PDE10A: variants seen among roughly 807,000 people sequenced by gnomAD.
The protein encoded by PDE10A is cAMP and cAMP-inhibited cGMP 3',5'-cyclic phosphodiesterase 10A.
Under a neutral mutation model 97.7 loss-of-function variants are expected in PDE10A, and 39 were observed. The observed-to-expected ratio is 0.40, with a 90% CI of 0.31 to 0.52. The LOEUF (loss-of-function observed/expected upper bound fraction) is 0.52. Ranked by LOEUF, PDE10A falls within the 20% of genes least tolerant of loss-of-function variation. The pLI is 0.56. For synonymous variants in PDE10A, 371 were observed against 376.8 expected (o/e 0.98, Z 0.18); for missense variants, 731 against 1,047.8 (o/e 0.70, Z 4.17).
intron 1 of PDE10A, among the ~76,000 whole-genome samples, chr6:165,593,699 T>C (rs570324556): frequency 6.6e-6 from 1 of 152,358 alleles, no homozygotes; most frequent in South Asian, 2.1e-4. Flanking sequence ...AAACATTTTA[T>C]TATAACTTGC....
intron 1 of PDE10A, chr6:165,660,028 T>C (rs900137110): frequency 7.9e-5 from 12 of 152,254 alleles, no homozygotes; most frequent in African/African-American, 2.4e-4. Context: ...CACTGCAAGA[T>C]AGAGCGTTCT....
At chr6:165,594,331 A>T (rs138766338) in intron 1 of PDE10A, among the ~76,000 whole-genome samples, 1,615 of 152,112 alleles carry the variant, frequency 0.011, 37 homozygotes, top group African/African-American at 0.037. Flanking sequence ...ATAGTAAGAA[A>T]ATGTTTGAAA....
intron 1 of PDE10A, among the ~76,000 whole-genome samples, chr6:165,908,094 G>A (rs1242698180): frequency 6.6e-6 from 1 of 152,202 alleles, no homozygotes. Flanking sequence ...GCTTGGGAGA[G>A]GAGGAGCAAG....
At chr6:165,482,633 T>C (rs1779673116) in intron 2 of PDE10A, among the ~76,000 whole-genome samples, 1 of 152,178 alleles carries the variant, frequency 6.6e-6, no homozygotes, top group South Asian at 2.1e-4. Context: ...CTGGGGTATA[T>C]TCAACTACAC....
intron 1 of PDE10A, among the ~76,000 whole-genome samples, chr6:165,915,781 A>G (rs1036728089): frequency 6.6e-6 from 1 of 152,240 alleles, no homozygotes; most frequent in African/African-American, 2.4e-5. Flanking sequence ...ATGTATGTGC[A>G]CACCTCAAGG....
At chr6:165,895,233 C>T (rs1781912185) in intron 1 of PDE10A, among the ~76,000 whole-genome samples, 1 of 152,208 alleles carries the variant, frequency 6.6e-6, no homozygotes, top group Non-Finnish European at 1.5e-5. Context: ...AGGTCATACT[C>T]CATCAGGGCG....
chr6:165,854,079 T>G (rs1583192490), intron 1 of PDE10A, among the ~76,000 whole-genome samples: 1 of 151,778 alleles, frequency 6.6e-6, no homozygotes, highest in Non-Finnish European at 1.5e-5. Context: ...ACGCGCGGGG[T>G]CCTAGGGAAG....
Position 165,819,724 on chromosome 6 carries a change from C to T in PDE10A, c.-615+167805G>A, listed in dbSNP as rs1779516729. Among the ~76,000 whole-genome samples the T allele has an allele frequency of 6.6e-6, 1 of 152,188 alleles. No homozygotes were observed. The highest frequency in any genetic ancestry group is 6.5e-5 in the Admixed American group (1 of 15,288). On this transcript the variant is annotated intron_variant, in intron 1 of 19. Transcript: ENST00000366882. The surrounding 1 kb of genome is among the most constrained non-coding windows in gnomAD (Gnocchi z 4.2). ...GCACCACGTACTCCTCACCCGCCCT[C>T]CCGCTGTGAGCACATTCCGGCCAGG...
At chr6:165,859,828 T>C (rs1780848903) in intron 1 of PDE10A, among the ~76,000 whole-genome samples, 1 of 152,124 alleles carries the variant, frequency 6.6e-6, no homozygotes, top group African/African-American at 2.4e-5. Flanking sequence ...AAAGAATATA[T>C]CATATATATA....
intron 1 of PDE10A, among the ~76,000 whole-genome samples, chr6:165,962,479 CA>C (rs1784390196): frequency 6.6e-6 from 1 of 152,246 alleles, no homozygotes; most frequent in South Asian, 2.1e-4. Flanking sequence ...CTGCAGAATT[CA>C]GGTGGGAATG....
chr6:165,798,845 T>C (rs1365697427), intron 1 of PDE10A, among the ~76,000 whole-genome samples: 1 of 152,048 alleles, frequency 6.6e-6, no homozygotes, highest in African/African-American at 2.4e-5. Context: ...GTAGCTGGGA[T>C]TACAAGCACG....
At chr6:165,824,487 A>G (rs1779667879) in intron 1 of PDE10A, among the ~76,000 whole-genome samples, 1 of 152,186 alleles carries the variant, frequency 6.6e-6, no homozygotes, top group South Asian at 2.1e-4. Flanking sequence ...TGTTTACCTC[A>G]CCATGGTCTT....
At chr6:165,924,156 A>T (rs1486794382) in intron 1 of PDE10A, among the ~76,000 whole-genome samples, 1 of 152,204 alleles carries the variant, frequency 6.6e-6, no homozygotes, top group Admixed American at 6.5e-5. Flanking sequence ...TGGATAGAAG[A>T]TCTCTCTGTG....
intron 1 of PDE10A, among the ~76,000 whole-genome samples, chr6:165,603,496 A>G (rs948334506): frequency 6.6e-6 from 1 of 152,244 alleles, no homozygotes; most frequent in Non-Finnish European, 1.5e-5. Flanking sequence ...TAGCTATATA[A>G]AAGGCTTCTG....
intron 5 of PDE10A, among the ~76,000 whole-genome samples, chr6:165,445,778 G>A (rs1307579733): frequency 6.6e-6 from 1 of 152,110 alleles, no homozygotes; most frequent in African/African-American, 2.4e-5. Flanking sequence ...AGTACCTTAA[G>A]TGACTAGCAG....
chr6:165,966,729 A>C (rs1784523048), intron 1 of PDE10A, among the ~76,000 whole-genome samples: 1 of 152,264 alleles, frequency 6.6e-6, no homozygotes, highest in Non-Finnish European at 1.5e-5. Flanking sequence ...CTCACGGTGC[A>C]TGCACTAAGT....
chr6:165,755,588 A>G (rs1043952912), intron 1 of PDE10A, among the ~76,000 whole-genome samples: 1 of 152,214 alleles, frequency 6.6e-6, no homozygotes, highest in Non-Finnish European at 1.5e-5. Context: ...ACTTGGAGGA[A>G]TGGCTGATCA....
At position 165,805,633 on chromosome 6, in the gene PDE10A, A is replaced by G. The variant is rs192285674; in HGVS notation, c.-615+181896T>C. Among the ~76,000 whole-genome samples, 7 of 152,230 alleles carry G rather than the reference A, an allele frequency of 4.6e-5. No homozygotes were observed. In the East Asian group the frequency reaches 5.8e-4, roughly 13 times the overall value. Reference sequence around the variant, plus strand: ...TATTTAAAACGTTTTGCAAGGCGAGAGGGGAGAGAACGGGCCCTCAGTGGC... The same window carrying G: ...TATTTAAAACGTTTTGCAAGGCGAGGGGGGAGAGAACGGGCCCTCAGTGGC... On this transcript the variant is annotated intron_variant, in intron 1 of 19. Transcript: ENST00000366882.
intron 1 of PDE10A, among the ~76,000 whole-genome samples, chr6:165,579,246 A>G (rs1785481361): frequency 6.6e-6 from 1 of 152,240 alleles, no homozygotes; most frequent in African/African-American, 2.4e-5. Flanking sequence ...TGAGAATGAT[A>G]TAAGCAGATG....
Sources: gnomAD v4.1 joint callset for allele counts (sites outside exome capture counted in the v4.1 genomes callset) on GRCh38, gnomAD v4.1.1 for gene constraint, Gnocchi (gnomAD v3.1) non-coding constraint, MANE v1.5 for transcripts, NCBI Gene and HGNC (gene_info 2026-07-23, HGNC 2026-07-21) for gene names.